The following MAGI2 variants were observed in gnomAD, a reference collection of about 807,000 sequenced individuals.
MAGI2 encodes membrane-associated guanylate kinase, WW and PDZ domain-containing protein 2.
In MAGI2, 35 loss-of-function variants were observed where a neutral mutation model predicts 133.3. The observed-to-expected ratio is 0.26, with a 90% confidence interval of 0.20 to 0.35. The LOEUF is 0.35. MAGI2 is among the 10% of genes least tolerant of loss of function. The probability of loss-of-function intolerance (pLI) is 1.00; values close to 1 mark genes in which losing one functional copy is unlikely to be tolerated. For synonymous variants in MAGI2, 729 were observed against 710.6 expected (o/e 1.03, Z -0.41); for missense variants, 1,636 against 1,863.4 (o/e 0.88, Z 2.25).
intron 2 of MAGI2, among the ~76,000 whole-genome samples, chr7:78,962,810 G>A (rs1260497220): frequency 6.9e-6 from 1 of 144,696 alleles, no homozygotes; most frequent in East Asian, 2.1e-4. Flanking sequence ...TCATTGGTAT[G>A]TGATCTTTGT....
chr7:79,359,681 C>G (rs888811665), intron 1 of MAGI2, among the ~76,000 whole-genome samples: 17 of 115,604 alleles, frequency 1.5e-4, no homozygotes, highest in Non-Finnish European at 3.2e-4. Context: ...CACACACACA[C>G]ACACACACAC....
chr7:79,279,098 C>T (rs570692855), intron 1 of MAGI2, among the ~76,000 whole-genome samples: 12 of 152,210 alleles, frequency 7.9e-5, no homozygotes, highest in Middle Eastern at 3.4e-3. Context: ...TTCTAAAGTG[C>T]CATCTCCTCT....
intron 21 of MAGI2, among the ~76,000 whole-genome samples, chr7:78,030,695 A>ATG (rs1246967072): frequency 2.0e-5 from 3 of 152,252 alleles, no homozygotes; most frequent in African/African-American, 7.2e-5. Flanking sequence ...CTGCATACCT[A>ATG]TGTGGCTATA....
intron 6 of MAGI2, among the ~76,000 whole-genome samples, chr7:78,414,451 T>C (rs967712007): frequency 2.0e-5 from 3 of 152,066 alleles, no homozygotes; most frequent in Non-Finnish European, 4.4e-5. Flanking sequence ...AGTAATATTG[T>C]TGTTGGGCTT....
In MAGI2 at chr7:78,363,511, G is replaced by GATAATAATAATAATAATAATGATA. The variant is rs1491440405; in HGVS notation, c.1103+5644_1103+5645insTATCATTATTATTATTATTATTAT. ...CCATCTCGAAAATAATAATAATAAT[G>GATAATAATAATAATAATAATGATA]ATAATAATAATAATAATAATAATTC... On this transcript the variant is annotated intron_variant, in intron 7 of 21. Transcript: ENST00000354212. Among the ~76,000 whole-genome samples the GATAATAATAATAATAATAATGATA allele has an allele frequency of 2.1e-4, 31 of 147,784 alleles. 1 individual carries two copies. Among genetic ancestry groups the GATAATAATAATAATAATAATGATA allele is most frequent in the Middle Eastern group, 7.2e-3 (2 of 276 alleles).
Position 79,206,233 on chromosome 7 carries a change from G to A in MAGI2, c.302-199027C>T, listed in dbSNP as rs574186771. Among the ~76,000 whole-genome samples the A allele has an allele frequency of 8.6e-5, 13 of 150,686 alleles. No homozygotes were observed. In the East Asian group the frequency reaches 2.5e-3, roughly 29 times the overall value. ...AAAAAAAATGAAATAATAAAAATCA[G>A]AGCAGAAATAAATAAAATAGAGACT... is the stretch of plus-strand genomic sequence containing the variant. On this transcript the variant is annotated intron_variant, in intron 1 of 21. Transcript: ENST00000354212.
At chr7:79,269,852 C>T (rs1340565131) in intron 1 of MAGI2, among the ~76,000 whole-genome samples, 1 of 152,036 alleles carries the variant, frequency 6.6e-6, no homozygotes, top group African/African-American at 2.4e-5. Flanking sequence ...CTTTGTAAGA[C>T]TAATGAAAGG....
At chr7:79,034,921 C>T (rs977095757) in intron 1 of MAGI2, among the ~76,000 whole-genome samples, 30 of 152,164 alleles carry the variant, frequency 2.0e-4, no homozygotes, top group African/African-American at 4.6e-4. Flanking sequence ...TTCTTAATAA[C>T]GAATTAGGGC....
chr7:78,744,971 T>C (rs999630798), intron 2 of MAGI2, among the ~76,000 whole-genome samples: 1 of 152,196 alleles, frequency 6.6e-6, no homozygotes, highest in African/African-American at 2.4e-5. Context: ...GCTGACTATG[T>C]ACCAGGATGG....
chr7:78,913,600 A>G (rs938031056), intron 2 of MAGI2, among the ~76,000 whole-genome samples: 5 of 152,174 alleles, frequency 3.3e-5, no homozygotes, highest in Non-Finnish European at 5.9e-5. Flanking sequence ...CTAGAGCATC[A>G]GTTCCTTTCC....
intron 21 of MAGI2, among the ~76,000 whole-genome samples, chr7:78,022,888 T>C (rs1415429059): frequency 1.3e-5 from 2 of 152,236 alleles, no homozygotes; most frequent in Non-Finnish European, 2.9e-5. Flanking sequence ...AGTTTGTTTA[T>C]AGATCATTAA....
In MAGI2 at chr7:78,134,892, C is replaced by T. The variant is rs1415312429; in HGVS notation, c.3031+129G>A. 6 of 733,668 alleles carry T rather than the reference C, an allele frequency of 8.2e-6. No homozygotes were observed. The Admixed American group carries it at 1.6e-4, about 20-fold the overall frequency. 45.4% of individuals were successfully genotyped at this position (733,668 alleles called of 1,614,324 possible). A position where few individuals can be genotyped will look rare whatever the true frequency, so the allele number is the denominator to read the frequency against. On this transcript the variant is annotated intron_variant, in intron 17 of 21. Transcript: ENST00000354212. ...TGCAAAAGTGGAAATAATAATCAAC[C>T]TCTGACACTCTGACACCACAGTGAC...
intron 5 of MAGI2, among the ~76,000 whole-genome samples, chr7:78,495,399 C>A (rs1793997791): frequency 6.6e-6 from 1 of 152,062 alleles, no homozygotes; most frequent in Non-Finnish European, 1.5e-5. Context: ...TGCTGAAAAA[C>A]ATTAATTTTT....
At chr7:78,781,160 C>G (rs186980620) in intron 2 of MAGI2, among the ~76,000 whole-genome samples, 2 of 152,106 alleles carry the variant, frequency 1.3e-5, no homozygotes, top group South Asian at 4.1e-4. Context: ...GGGCAGATCA[C>G]GAGGTCAGGA....
At chr7:78,465,909 G>T in intron 6 of MAGI2, among the ~76,000 whole-genome samples, 1 of 152,066 alleles carries the variant, frequency 6.6e-6, no homozygotes, top group Non-Finnish European at 1.5e-5. Context: ...CACTTCGGCC[G>T]TAAAGCAAGA....
In MAGI2 at chr7:78,423,537, A is replaced by G. The variant is rs145526623; in HGVS notation, c.1046-54324T>C. The stretch of plus-strand genomic sequence containing the variant: ...GTGGAAGCAACTTTGGAATTGGATA[A>G]CAGGCAGAGGTTGGAACAGTTTGGA... On this transcript the variant is annotated intron_variant, in intron 6 of 21. Transcript: ENST00000354212. Among the ~76,000 whole-genome samples, 1,265 of 152,314 alleles carry G rather than the reference A, an allele frequency of 8.3e-3. 15 individuals carry two copies. Among genetic ancestry groups the G allele is most frequent in the African/African-American group, 0.025 (1,049 of 41,566 alleles).
Position 78,924,567 on chromosome 7 carries a change from C to T in MAGI2, c.418+82523G>A, listed in dbSNP as rs1489670395. Among the ~76,000 whole-genome samples, 25 of 152,136 alleles carry T rather than the reference C, an allele frequency of 1.6e-4. No individual in the cohort carries two copies. The East Asian group carries it at 4.6e-3, about 28-fold the overall frequency. ...AGCCCACTTGATCATGGTGGATAAG[C>T]TTTTTGATGTGCTGCTGGATTCAGT... On this transcript the variant is annotated intron_variant, in intron 2 of 21. Transcript: ENST00000354212.
intron 6 of MAGI2, among the ~76,000 whole-genome samples, chr7:78,403,160 C>T (rs1308883428): frequency 6.6e-6 from 1 of 151,910 alleles, no homozygotes; most frequent in African/African-American, 2.4e-5. Flanking sequence ...CTCCCCCCAT[C>T]CCATGACAGG....
At chr7:79,220,869 C>T (rs1379570086) in intron 1 of MAGI2, among the ~76,000 whole-genome samples, 1 of 152,016 alleles carries the variant, frequency 6.6e-6, no homozygotes. Context: ...TGCTTTCCTT[C>T]TAAGAGTCAC....
Sources: gnomAD v4.1 joint callset for allele counts (sites outside exome capture counted in the v4.1 genomes callset) on GRCh38, gnomAD v4.1.1 for gene constraint, MANE v1.5 for transcripts, NCBI Gene and HGNC (gene_info 2026-07-23, HGNC 2026-07-21) for gene names.